The following TCF4 variants were observed in gnomAD, a reference collection of about 807,000 sequenced individuals.
TCF4 encodes the protein transcription factor 4, also known as SL3-3 enhancer factor 2.
Under a neutral mutation model 82.1 loss-of-function variants are expected in TCF4, and 3 were observed. The observed-to-expected ratio is 0.04, with a 90% CI of 0.02 to 0.09. TCF4 has a LOEUF of 0.09. TCF4 is among the 10% of genes least tolerant of loss of function. The probability of loss-of-function intolerance (pLI) is 1.00; values close to 1 mark genes in which losing one functional copy is unlikely to be tolerated. For synonymous variants in TCF4, 276 were observed against 309.6 expected (o/e 0.89, Z 1.14); for missense variants, 518 against 852.7 (o/e 0.61, Z 4.89).
chr18:55,344,301 T>C (rs2080676890), intron 8 of TCF4, among the ~76,000 whole-genome samples: 1 of 152,180 alleles, frequency 6.6e-6, no homozygotes, highest in Admixed American at 6.5e-5. Context: ...AAAAATGGTA[T>C]TCAATCAAAT....
chr18:55,401,333 C>T, intron 6 of TCF4: 1 of 1,162,274 alleles, frequency 8.6e-7, no homozygotes, highest in Middle Eastern at 3.9e-4. Flanking sequence ...ACGCTAAGCA[C>T]AGAGATAGTA....
At chr18:55,246,183 T>C (rs2053084496) in intron 15 of TCF4, among the ~76,000 whole-genome samples, 2 of 152,010 alleles carry the variant, frequency 1.3e-5, no homozygotes, top group South Asian at 2.1e-4. Context: ...AAGAAAACCA[T>C]GTAAGGATGT....
chr18:55,583,387 C>CTG (rs1471977919), intron 3 of TCF4, among the ~76,000 whole-genome samples: 1 of 152,002 alleles, frequency 6.6e-6, no homozygotes, highest in Non-Finnish European at 1.5e-5. Flanking sequence ...GTCTTCAGAA[C>CTG]TGTGTAAGTG....
chr18:55,527,558 T>C (rs1046205724), intron 3 of TCF4, among the ~76,000 whole-genome samples: 2 of 152,200 alleles, frequency 1.3e-5, no homozygotes, highest in Non-Finnish European at 2.9e-5. Context: ...CAAGGTGACA[T>C]GTCAAACACA....
At chr18:55,608,551 T>C (rs1244103588) in intron 2 of TCF4, among the ~76,000 whole-genome samples, 1 of 152,164 alleles carries the variant, frequency 6.6e-6, no homozygotes, top group Non-Finnish European at 1.5e-5. Flanking sequence ...CATTTATTTT[T>C]GGTTCCACAA....
At chr18:55,631,497 T>C in intron 1 of TCF4, 2 of 1,178,344 alleles carry the variant, frequency 1.7e-6, no homozygotes, top group Non-Finnish European at 2.4e-6. Flanking sequence ...TGGGTTAGGG[T>C]AATGCCCTAC....
chr18:55,346,428 C>T (rs1171493676), intron 8 of TCF4, among the ~76,000 whole-genome samples: 1 of 152,122 alleles, frequency 6.6e-6, no homozygotes, highest in African/African-American at 2.4e-5. Context: ...TTGCCAGGTC[C>T]TCCTGAGTTT....
intron 3 of TCF4, among the ~76,000 whole-genome samples, chr18:55,537,441 C>T (rs535693104): frequency 5.3e-4 from 80 of 152,086 alleles, no homozygotes; most frequent in Admixed American, 7.9e-4. Context: ...AACACAAAAA[C>T]TACCAAGGCG....
intron 3 of TCF4, among the ~76,000 whole-genome samples, chr18:55,504,027 C>T (rs942070293): frequency 1.3e-5 from 2 of 152,116 alleles, no homozygotes; most frequent in African/African-American, 4.8e-5. Flanking sequence ...TGAGACCGAT[C>T]CACCTCACTC....
intron 3 of TCF4, among the ~76,000 whole-genome samples, chr18:55,560,041 C>G (rs1267941703): frequency 6.6e-6 from 1 of 152,266 alleles, no homozygotes; most frequent in South Asian, 2.1e-4. Context: ...ATATTAGAAG[C>G]TGTAAAATAA....
intron 3 of TCF4, among the ~76,000 whole-genome samples, chr18:55,510,419 GAAACC>G (rs2096813703): frequency 6.6e-6 from 1 of 152,110 alleles, no homozygotes; most frequent in Non-Finnish European, 1.5e-5. Flanking sequence ...ACAGAAATTT[GAAACC>G]AAAATCCTGA....
intron 2 of TCF4, among the ~76,000 whole-genome samples, chr18:55,622,417 G>A (rs1237960743): frequency 6.7e-6 from 1 of 149,938 alleles, no homozygotes; most frequent in Admixed American, 6.7e-5. Context: ...TGACGCAGGA[G>A]AGTCGCTTGA....
chr18:55,614,441 A>G (rs139878805), intron 2 of TCF4, among the ~76,000 whole-genome samples: 35 of 152,120 alleles, frequency 2.3e-4, no homozygotes, highest in African/African-American at 7.2e-4. Flanking sequence ...AGCATAAGAT[A>G]TGGATGATCA....
chr18:55,613,533 T>C (rs1350073020), intron 2 of TCF4, among the ~76,000 whole-genome samples: 3 of 152,306 alleles, frequency 2.0e-5, no homozygotes, highest in Admixed American at 6.5e-5. Flanking sequence ...AAGAGCTAAA[T>C]GAGACTGGGT....
At position 55,256,850 on chromosome 18, in the gene TCF4, C is replaced by T. The variant is rs190160384; in HGVS notation, c.1146+465G>A. Reference sequence around the variant, plus strand: ...CATGGAAATTTTCAGCAATTCACTCCTGGAAGAGTAGGCATTTCTCTACCA... The same window carrying T: ...CATGGAAATTTTCAGCAATTCACTCTTGGAAGAGTAGGCATTTCTCTACCA... On this transcript the variant is annotated intron_variant, in intron 14 of 19. Coordinates refer to ENST00000354452, the MANE Select transcript of TCF4 (RefSeq NM_001083962.2). 1.1e-3 allele frequency among the ~76,000 whole-genome samples: 161 copies of T among 152,222 alleles called. 2 individuals carry two copies. The highest frequency in any genetic ancestry group is 2.0e-3 in the Admixed American group (30 of 15,270).
At chr18:55,480,388 T>C (rs1039806886) in intron 3 of TCF4, among the ~76,000 whole-genome samples, 2 of 147,076 alleles carry the variant, frequency 1.4e-5, no homozygotes, top group Non-Finnish European at 3.0e-5. Context: ...AAAATGTACA[T>C]AAAATAGGAC....
rs960002294 is a variant in TCF4, at chr18:55,422,630, G to GTT, written c.305-19114_305-19113dup. 31 of 280,132 alleles carry GTT rather than the reference G, an allele frequency of 1.1e-4. 1 individual carries two copies. In the South Asian group the frequency reaches 1.6e-3, roughly 15 times the overall value. 17.4% of individuals were successfully genotyped at this position (280,132 alleles called of 1,614,324 possible). On this transcript the variant is annotated intron_variant, in intron 5 of 19. Transcript: ENST00000354452. ...TCTGGTGCTTTTAGTGTGTGTGTGTGTTTTTTTCTTCCCTGAAAAGTTGGC... is the reference window on the plus strand; with the variant it reads ...TCTGGTGCTTTTAGTGTGTGTGTGTGTTTTTTTTTCTTCCCTGAAAAGTTGGC...
chr18:55,406,787 C>A (rs1208700005), intron 5 of TCF4, among the ~76,000 whole-genome samples: 1 of 152,188 alleles, frequency 6.6e-6, no homozygotes, highest in Non-Finnish European at 1.5e-5. Context: ...GCTAAAGATT[C>A]TATTTTTCCA....
chr18:55,580,262 TA>T (rs1568450506), intron 3 of TCF4, among the ~76,000 whole-genome samples: 3 of 152,014 alleles, frequency 2.0e-5, no homozygotes, highest in South Asian at 2.1e-4. Context: ...GTGATGCAGA[TA>T]GAATTGAGGG....
Sources: gnomAD v4.1 joint callset for allele counts (sites outside exome capture counted in the v4.1 genomes callset) on GRCh38, gnomAD v4.1.1 for gene constraint, MANE v1.5 for transcripts, NCBI Gene and HGNC (gene_info 2026-07-23, HGNC 2026-07-21) for gene names.